Variants in SLC1A2 observed in about 807,000 individuals in gnomAD.
SLC1A2 encodes the protein solute carrier family 1 member 2.
A neutral mutation model predicts 48.8 loss-of-function variants in SLC1A2; 15 were observed. The ratio of observed to expected loss-of-function variants is 0.31; its 90% CI spans 0.21 to 0.47. SLC1A2 has a LOEUF of 0.47. SLC1A2 is among the 20% of genes least tolerant of loss of function. The pLI is 0.99. For synonymous variants in SLC1A2, 279 were observed against 272.6 expected (o/e 1.02, Z -0.23); for missense variants, 502 against 730.5 (o/e 0.69, Z 3.61).
At chr11:35,311,997 G>A in intron 4 of SLC1A2, 1 of 396,630 alleles carries the variant, frequency 2.5e-6, no homozygotes, top group Non-Finnish European at 4.5e-6. Flanking sequence ...GAAAAAAAGG[G>A]ATGTTTAAAA....
intron 1 of SLC1A2, among the ~76,000 whole-genome samples, chr11:35,388,793 G>A (rs372174171): frequency 1.3e-5 from 2 of 152,146 alleles, no homozygotes; most frequent in African/African-American, 2.4e-5. Flanking sequence ...ATACACCTTC[G>A]GATGCTCAGA....
At chr11:35,389,452 C>CCTTCTTCTTCTT (rs1555020634) in intron 1 of SLC1A2, among the ~76,000 whole-genome samples, 1 of 150,430 alleles carries the variant, frequency 6.6e-6, no homozygotes, top group Non-Finnish European at 1.5e-5. Context: ...TTCTCCTTCT[C>CCTTCTTCTTCTT]CTTCTTCTTC....
chr11:35,353,535 G>A (rs962984774), intron 1 of SLC1A2, among the ~76,000 whole-genome samples: 7 of 152,300 alleles, frequency 4.6e-5, no homozygotes, highest in Middle Eastern at 3.4e-3. Context: ...CACCTATTAA[G>A]AGCACAATAG....
intron 1 of SLC1A2, among the ~76,000 whole-genome samples, chr11:35,342,844 G>T (rs1590209085): frequency 6.6e-6 from 1 of 152,130 alleles, no homozygotes. Context: ...GAAGAATGCA[G>T]CATCTCTTTT....
chr11:35,416,444 A>G (rs917319050), intron 1 of SLC1A2, among the ~76,000 whole-genome samples: 1 of 152,246 alleles, frequency 6.6e-6, no homozygotes, highest in Non-Finnish European at 1.5e-5. Context: ...GGAAGAATCA[A>G]ATGTGATGAG....
intron 8 of SLC1A2, among the ~76,000 whole-genome samples, chr11:35,281,265 T>A (rs534103351): frequency 2.8e-4 from 42 of 152,336 alleles, no homozygotes; most frequent in African/African-American, 1.0e-3. Context: ...ATCCGGTTAG[T>A]CTAATATATC....
chr11:35,301,849 C>T (rs188058182), intron 5 of SLC1A2, among the ~76,000 whole-genome samples: 1 of 152,328 alleles, frequency 6.6e-6, no homozygotes, highest in South Asian at 2.1e-4. Flanking sequence ...ACACTTTCCA[C>T]ATGAGCAAGT....
chr11:35,382,103 G>T (rs1442341719), intron 1 of SLC1A2, among the ~76,000 whole-genome samples: 1 of 152,174 alleles, frequency 6.6e-6, no homozygotes, highest in African/African-American at 2.4e-5. Context: ...GGAACAACTT[G>T]TGCAAGATGA....
chr11:35,357,256 CAAAA>C (rs531883065), intron 1 of SLC1A2, among the ~76,000 whole-genome samples: 4 of 98,206 alleles, frequency 4.1e-5, no homozygotes, highest in African/African-American at 1.1e-4. Flanking sequence ...GACTCTATAT[CAAAA>C]AAAAAAAAAA....
intron 4 of SLC1A2, 60 bp from the exon 5 acceptor site, chr11:35,306,302 A>AG (rs2134830221): frequency 7.4e-7 from 1 of 1,351,006 alleles, no homozygotes; most frequent in East Asian, 2.3e-5. Flanking sequence ...GTGAAAAAAA[A>AG]AAAGATTGGC....
intron 6 of SLC1A2, among the ~76,000 whole-genome samples, chr11:35,294,042 A>G (rs1825032441): frequency 6.6e-6 from 1 of 152,118 alleles, no homozygotes; most frequent in South Asian, 2.1e-4. Flanking sequence ...CAGTACCATT[A>G]ATTCTCTGAG....
In SLC1A2 at chr11:35,312,583, C is replaced by T. The variant is rs1851741821; in HGVS notation, c.311-135G>A. On this transcript the variant is annotated intron_variant, in intron 3 of 10. Coordinates refer to ENST00000278379, the MANE Select transcript of SLC1A2 (RefSeq NM_004171.4). The stretch of plus-strand genomic sequence containing the variant: ...GATTAAATCTCCTACTGTAGTCTTC[C>T]CTCAATATCCATGAGAGGGTTGGTT... The T allele has an allele frequency of 4.8e-6, 5 of 1,045,568 alleles. No individual in the cohort carries two copies. In the East Asian group the frequency reaches 1.3e-4, roughly 27 times the overall value. The allele number at this position is 1,045,568 out of a possible 1,614,324, so 64.8% of individuals were successfully genotyped here.
chr11:35,400,252 G>A (rs1413055185), intron 1 of SLC1A2, among the ~76,000 whole-genome samples: 1 of 152,314 alleles, frequency 6.6e-6, no homozygotes, highest in Non-Finnish European at 1.5e-5. Context: ...TTAGAAACAA[G>A]CTAAATATCC....
chr11:35,366,136 A>G lies in SLC1A2; in HGVS notation c.18-48620T>C, dbSNP rs139312436. On this transcript the variant is annotated intron_variant, in intron 1 of 10. Transcript: ENST00000278379. ...CTAGAGTTTATTATACTTATGAATCAGGGTTCAGGGCCTGTTTTGGTTCTC... is the reference window on the plus strand; with the variant it reads ...CTAGAGTTTATTATACTTATGAATCGGGGTTCAGGGCCTGTTTTGGTTCTC... Among the ~76,000 whole-genome samples the G allele has an allele frequency of 2.5e-3, 383 of 152,344 alleles. 3 individuals are homozygous for G. Among genetic ancestry groups the G allele is most frequent in the African/African-American group, 8.8e-3 (366 of 41,578 alleles).
intron 1 of SLC1A2, among the ~76,000 whole-genome samples, chr11:35,327,755 T>C (rs2134968367): frequency 6.6e-6 from 1 of 152,346 alleles, no homozygotes; most frequent in African/African-American, 2.4e-5. Flanking sequence ...GGAAGGATTA[T>C]TCTATCTTAG....
chr11:35,413,056 A>AATGAGATTTTG (rs1855513642), intron 1 of SLC1A2, among the ~76,000 whole-genome samples: 1 of 152,256 alleles, frequency 6.6e-6, no homozygotes, highest in African/African-American at 2.4e-5. Context: ...TTCAAATCCA[A>AATGAGATTTTG]AACCACTAGG....
intron 1 of SLC1A2, among the ~76,000 whole-genome samples, chr11:35,341,462 C>T (rs1272864756): frequency 1.3e-5 from 2 of 152,082 alleles, no homozygotes; most frequent in East Asian, 1.9e-4. Context: ...TGTGATGTTC[C>T]GCTTCCTAAA....
In SLC1A2 at chr11:35,284,338, T is replaced by A. The variant is rs375277690; in HGVS notation, c.1286+2419A>T. Among the ~76,000 whole-genome samples the A allele has an allele frequency of 6.8e-4, 104 of 152,100 alleles. 3 individuals are homozygous for A. The South Asian group carries it at 0.021, about 31-fold the overall frequency. On this transcript the variant is annotated intron_variant, in intron 8 of 10. Coordinates refer to ENST00000278379, the MANE Select transcript of SLC1A2 (RefSeq NM_004171.4). ...TAGGGCTGTTTCTAGGATCACAAGT[T>A]AAATAAATGGAAGCATATGCCAGCA...
At chr11:35,371,029 T>C in intron 1 of SLC1A2, 1 of 984,730 alleles carries the variant, frequency 1.0e-6, no homozygotes, top group African/African-American at 1.7e-5. Context: ...ATGGGGTGAG[T>C]TTTGAGCTGT....
Sources: gnomAD v4.1 joint callset for allele counts (sites outside exome capture counted in the v4.1 genomes callset) on GRCh38, gnomAD v4.1.1 for gene constraint, MANE v1.5 for transcripts, NCBI Gene and HGNC (gene_info 2026-07-23, HGNC 2026-07-21) for gene names.